RBPJ: variants seen among roughly 807,000 people sequenced by gnomAD.
The protein encoded by RBPJ is recombining binding protein suppressor of hairless.
Under a neutral mutation model 67.8 loss-of-function variants are expected in RBPJ, and 9 were observed. The observed-to-expected ratio is 0.13, with a 90% confidence interval of 0.08 to 0.23. RBPJ has a LOEUF of 0.23. Among genes scored for constraint, RBPJ ranks in the 10% least tolerant of loss-of-function variants. The probability of loss-of-function intolerance (pLI) is 1.00; values close to 1 mark genes in which losing one functional copy is unlikely to be tolerated. For synonymous variants in RBPJ, 198 were observed against 203.3 expected, an observed-to-expected ratio of 0.97 and a Z score of 0.22; for missense variants, 305 against 595.6, an observed-to-expected ratio of 0.51 and a Z score of 5.08.
intron 3 of RBPJ, among the ~76,000 whole-genome samples, chr4:26,413,229 C>G (rs1734216867): frequency 6.6e-6 from 1 of 152,320 alleles, no homozygotes; most frequent in African/African-American, 2.4e-5. Context: ...TGCACTGGCT[C>G]TTTCCTCTGT....
At position 26,199,316 on chromosome 4, in the gene RBPJ, C is replaced by T. The variant is rs554338669; in HGVS notation, c.-167+35702C>T. On this transcript the variant is annotated intron_variant, in intron 1 of 4. Coordinates refer to the RBPJ transcript ENST00000512351. ...AAAATTAGCTGGGCATGGTGGTGTG[C>T]GCCTGTAGTCCCAGCTACTTGGGAG... Among the ~76,000 whole-genome samples the T allele has an allele frequency of 4.0e-4, 61 of 152,184 alleles. 1 individual carries two copies. Among genetic ancestry groups the T allele is most frequent in the African/African-American group, 1.4e-3 (58 of 41,520 alleles).
intron 1 of RBPJ, among the ~76,000 whole-genome samples, chr4:26,276,001 G>T (rs956578186): frequency 6.6e-6 from 1 of 151,626 alleles, no homozygotes; most frequent in African/African-American, 2.4e-5. Flanking sequence ...TAGGCTGGGC[G>T]TGGTGGCTCA....
chr4:26,270,931 G>A (rs1720897013), intron 1 of RBPJ, among the ~76,000 whole-genome samples: 1 of 151,750 alleles, frequency 6.6e-6, no homozygotes, highest in Admixed American at 6.6e-5. Context: ...GTCAACCATG[G>A]TTCGAAAATA....
intron 1 of RBPJ, among the ~76,000 whole-genome samples, chr4:26,260,602 T>C (rs1191810782): frequency 1.3e-5 from 2 of 152,236 alleles, no homozygotes; most frequent in African/African-American, 4.8e-5. Context: ...ACGGAAGATT[T>C]TGAAGTTGCT....
At chr4:26,290,011 A>G (rs1331507454) in intron 1 of RBPJ, among the ~76,000 whole-genome samples, 1 of 150,674 alleles carries the variant, frequency 6.6e-6, no homozygotes, top group Admixed American at 6.6e-5. Flanking sequence ...AGGAATGCCA[A>G]TATAAAGTTA....
intron 1 of RBPJ, among the ~76,000 whole-genome samples, chr4:26,225,805 A>T (rs529576436): frequency 5.3e-5 from 8 of 152,288 alleles, no homozygotes; most frequent in African/African-American, 1.9e-4. Context: ...AAACACTAAT[A>T]AAATAGAAGC....
At chr4:26,422,465 T>C (rs186014784) in intron 5 of RBPJ, among the ~76,000 whole-genome samples, 166 of 152,338 alleles carry the variant, frequency 1.1e-3, no homozygotes, top group Non-Finnish European at 3.5e-4. Flanking sequence ...AATTGTAATA[T>C]GTAATGAAAA....
At chr4:26,174,195 G>T (rs1716714428) in intron 1 of RBPJ, among the ~76,000 whole-genome samples, 1 of 152,224 alleles carries the variant, frequency 6.6e-6, no homozygotes, top group South Asian at 2.1e-4. Context: ...AACTCAGACA[G>T]CTCGGGCTTG....
chr4:26,324,296 G>T (rs1376290838), intron 1 of RBPJ, among the ~76,000 whole-genome samples: 1 of 152,096 alleles, frequency 6.6e-6, no homozygotes, highest in Non-Finnish European at 1.5e-5. Context: ...TCCCAAATAT[G>T]TATTATAATA....
At chr4:26,303,044 G>A (rs1722121639) in intron 1 of RBPJ, among the ~76,000 whole-genome samples, 1 of 151,854 alleles carries the variant, frequency 6.6e-6, no homozygotes, top group Admixed American at 6.6e-5. Flanking sequence ...TGCTGGGCAT[G>A]GTAACGCATG....
At chr4:26,196,977 T>C (rs1482436976) in intron 1 of RBPJ, among the ~76,000 whole-genome samples, 2 of 152,248 alleles carry the variant, frequency 1.3e-5, no homozygotes, top group Non-Finnish European at 2.9e-5. Context: ...AGAAGAATGA[T>C]GTAGAAACAC....
At chr4:26,427,346 T>C (rs1464268044) in intron 7 of RBPJ, among the ~76,000 whole-genome samples, 1 of 152,208 alleles carries the variant, frequency 6.6e-6, no homozygotes, top group Non-Finnish European at 1.5e-5. Context: ...TTCGATATGC[T>C]AAGCTTGAGG....
intron 1 of RBPJ, among the ~76,000 whole-genome samples, chr4:26,213,227 G>T (rs2109175028): frequency 6.6e-6 from 1 of 152,258 alleles, no homozygotes; most frequent in Admixed American, 6.5e-5. Flanking sequence ...ATCCCAGGTG[G>T]CTAGCATCAG....
chr4:26,126,233 T>C, the RBPJ span, among the ~76,000 whole-genome samples: 1 of 152,208 alleles, frequency 6.6e-6, no homozygotes, highest in African/African-American at 2.4e-5. Flanking sequence ...AGATGAAAAT[T>C]GGTAGTCCCT....
At chr4:26,180,980 T>C (rs987878405) in intron 1 of RBPJ, among the ~76,000 whole-genome samples, 3 of 151,518 alleles carry the variant, frequency 2.0e-5, no homozygotes, top group Non-Finnish European at 4.4e-5. Flanking sequence ...ATCTGATAGT[T>C]CTATAAAGGG....
At chr4:26,185,398 C>T (rs963467051) in intron 1 of RBPJ, among the ~76,000 whole-genome samples, 4 of 152,096 alleles carry the variant, frequency 2.6e-5, no homozygotes, top group East Asian at 1.9e-4. Context: ...CTCAACACCA[C>T]GGTCAGGGTA....
At chr4:26,319,739 G>T, upstream of RBPJ, 1 of 848,742 alleles carries the variant, frequency 1.2e-6, no homozygotes, top group Non-Finnish European at 2.0e-6. Context: ...CCGCTCGCGC[G>T]GGCCGCGCCA....
At chr4:26,274,453 C>A (rs1721014709) in intron 1 of RBPJ, among the ~76,000 whole-genome samples, 1 of 152,124 alleles carries the variant, frequency 6.6e-6, no homozygotes, top group African/African-American at 2.4e-5. Context: ...CACGGCAAAA[C>A]CCTGTCTCTA....
intron 1 of RBPJ, among the ~76,000 whole-genome samples, chr4:26,212,444 T>C (rs1391966052): frequency 2.8e-4 from 41 of 143,982 alleles, no homozygotes; most frequent in Non-Finnish European, 5.6e-4. Flanking sequence ...TTTTTTTTTT[T>C]TTTTTTTTTT....
Sources: allele counts gnomAD v4.1 joint callset (sites outside exome capture counted in the v4.1 genomes callset), GRCh38; gene constraint gnomAD v4.1.1; transcripts MANE v1.5; gene names NCBI Gene and HGNC (gene_info 2026-07-23, HGNC 2026-07-21).